The following ATXN8OS variants were observed in gnomAD, a reference collection of about 807,000 sequenced individuals.
ATXN8OS encodes the protein ATXN8 opposite strand lncRNA, also known as ATXN8 opposite strand (non-protein coding).
chr13:70,138,050 G>A (rs1322498692), intron 3 of ATXN8OS, among the ~76,000 whole-genome samples: 1 of 152,162 alleles, frequency 6.6e-6, no homozygotes, highest in African/African-American at 2.4e-5. Context: ...GAACAACATG[G>A]CGGAAATCCG....
chr13:70,125,244 C>T (rs566107518), intron 2 of ATXN8OS, among the ~76,000 whole-genome samples: 2 of 151,804 alleles, frequency 1.3e-5, no homozygotes, highest in Non-Finnish European at 2.9e-5. Context: ...TCTTATGTAC[C>T]CTTCATCCAA....
rs144531823 is a variant in ATXN8OS, at chr13:70,134,106, G to T, written n.499+4222G>T. ...AAATCAGCTAAATAACAGGATTTTT[G>T]TCATTTGAGGATATCACTTACTAAC... is the stretch of plus-strand genomic sequence containing the variant. On this transcript the variant is annotated intron_variant and non_coding_transcript_variant, in intron 3 of 4. Coordinates refer to ENST00000678624, the Ensembl canonical transcript of ATXN8OS. 2.4e-3 allele frequency among the ~76,000 whole-genome samples: 371 copies of T among 152,106 alleles called. 3 individuals carry two copies. The highest frequency in any genetic ancestry group is 0.021 in the Admixed American group (318 of 15,274).
intron 3 of ATXN8OS, among the ~76,000 whole-genome samples, chr13:70,139,586 T>C (rs2137490924): frequency 6.6e-6 from 1 of 152,310 alleles, no homozygotes; most frequent in East Asian, 1.9e-4. Flanking sequence ...GATGTTGAGT[T>C]AGTTGCTCTC....
chr13:70,112,781 C>A (rs1049946499), intron 1 of ATXN8OS, among the ~76,000 whole-genome samples: 1 of 151,734 alleles, frequency 6.6e-6, no homozygotes, highest in African/African-American at 2.4e-5. Context: ...TAATGATGAG[C>A]CAGGTTTTAT....
intron 4 of ATXN8OS, among the ~76,000 whole-genome samples, chr13:70,162,276 C>G (rs1475115170): frequency 6.6e-6 from 1 of 151,928 alleles, no homozygotes; most frequent in African/African-American, 2.4e-5. Flanking sequence ...GTATAGGAAA[C>G]CTGAGACGCA....
chr13:70,130,735 A>G (rs1888519909), intron 3 of ATXN8OS: 1 of 398,394 alleles, frequency 2.5e-6, no homozygotes, highest in Non-Finnish European at 4.4e-6. Flanking sequence ...GCATAATCCA[A>G]GACTATTTAC....
At chr13:70,166,484 C>A (rs1046967556) in intron 4 of ATXN8OS, among the ~76,000 whole-genome samples, 1 of 151,986 alleles carries the variant, frequency 6.6e-6, no homozygotes, top group Non-Finnish European at 1.5e-5. Context: ...GAAACTGGAT[C>A]CCTTCCTTAC....
chr13:70,143,662 A>G (rs754859720), intron 3 of ATXN8OS, among the ~76,000 whole-genome samples: 3 of 152,106 alleles, frequency 2.0e-5, no homozygotes, highest in Non-Finnish European at 4.4e-5. Context: ...CCTCTGTTTT[A>G]TATTTTCTGC....
intron 2 of ATXN8OS, among the ~76,000 whole-genome samples, chr13:70,122,027 T>C (rs922984371): frequency 6.6e-6 from 1 of 152,102 alleles, no homozygotes; most frequent in Non-Finnish European, 1.5e-5. Flanking sequence ...TTTATTTGTG[T>C]CTTGCATTTT....
At chr13:70,138,776 C>T (rs1002756324) in intron 3 of ATXN8OS, among the ~76,000 whole-genome samples, 2 of 151,978 alleles carry the variant, frequency 1.3e-5, no homozygotes, top group Admixed American at 6.6e-5. Flanking sequence ...TTAGAGGTAA[C>T]ATTTTAACCT....
intron 3 of ATXN8OS, among the ~76,000 whole-genome samples, chr13:70,145,980 A>C (rs1331474606): frequency 6.9e-6 from 1 of 144,628 alleles, no homozygotes; most frequent in African/African-American, 2.6e-5. Flanking sequence ...CAGGCAACCT[A>C]CAAAATGGGA....
chr13:70,115,093 A>G, intron 1 of ATXN8OS: 2 of 397,216 alleles, frequency 5.0e-6, no homozygotes, highest in East Asian at 3.6e-5. Context: ...ATAACAGAAC[A>G]CTACATACTG....
chr13:70,156,000 T>C (rs1175553704), intron 4 of ATXN8OS, among the ~76,000 whole-genome samples: 1 of 152,162 alleles, frequency 6.6e-6, no homozygotes, highest in Non-Finnish European at 1.5e-5. Context: ...TTTATTCCTG[T>C]CAATGCAATG....
intron 4 of ATXN8OS, among the ~76,000 whole-genome samples, chr13:70,150,823 C>G (rs942573252): frequency 1.3e-5 from 2 of 152,124 alleles, no homozygotes; most frequent in African/African-American, 4.8e-5. Flanking sequence ...CCATGCTTCA[C>G]TACCACAAAA....
chr13:70,163,797 A>C (rs1889038841), intron 4 of ATXN8OS, among the ~76,000 whole-genome samples: 1 of 151,576 alleles, frequency 6.6e-6, no homozygotes, highest in Non-Finnish European at 1.5e-5. Flanking sequence ...TAAATGAAAT[A>C]TCTTTGAATA....
intron 3 of ATXN8OS, among the ~76,000 whole-genome samples, chr13:70,136,950 G>A (rs1391217237): frequency 2.0e-5 from 3 of 152,086 alleles, no homozygotes; most frequent in Non-Finnish European, 4.4e-5. Context: ...CCAGTGTTTA[G>A]TTGCGATACT....
chr13:70,141,324 T>C (rs979522640), intron 3 of ATXN8OS, among the ~76,000 whole-genome samples: 12 of 152,300 alleles, frequency 7.9e-5, no homozygotes, highest in Admixed American at 2.0e-4. Context: ...TCCTTACATA[T>C]TGCACAGTGT....
In ATXN8OS at chr13:70,162,967, A is replaced by G. The variant is rs770983908; in HGVS notation, n.574-6786A>G. 1.8e-4 allele frequency among the ~76,000 whole-genome samples: 27 copies of G among 152,028 alleles called. 1 individual carries two copies. The highest frequency in any genetic ancestry group is 3.2e-4 in the Non-Finnish European group (22 of 67,986). ...CAATACTTTGAATCATAGCAAGTTGATGTTGGCCACAGGCCTTCAAGACTC... is the reference window on the plus strand; with the variant it reads ...CAATACTTTGAATCATAGCAAGTTGGTGTTGGCCACAGGCCTTCAAGACTC... On this transcript the variant is annotated intron_variant and non_coding_transcript_variant, in intron 4 of 4. Coordinates refer to ENST00000678624, the Ensembl canonical transcript of ATXN8OS.
intron 3 of ATXN8OS, chr13:70,131,005 T>C (rs3764137): frequency 0.33 from 132,255 of 398,268 alleles, 22,985 homozygotes; most frequent in South Asian, 0.52. Flanking sequence ...CTGAATTGAC[T>C]GAATATCTTA....
Sources: allele counts gnomAD v4.1 joint callset (sites outside exome capture counted in the v4.1 genomes callset), GRCh38; gene constraint gnomAD v4.1.1; transcripts MANE v1.5; gene names NCBI Gene and HGNC (gene_info 2026-07-23, HGNC 2026-07-21).